Variants in NXPH1 observed in about 807,000 individuals in gnomAD.
NXPH1 encodes neurexophilin-1.
In NXPH1, 5 loss-of-function variants were observed where a neutral mutation model predicts 23.7. The ratio of observed to expected loss-of-function variants is 0.21; its 90% CI spans 0.11 to 0.44. The LOEUF (loss-of-function observed/expected upper bound fraction) is 0.44. Ranked by LOEUF, NXPH1 falls within the 20% of genes least tolerant of loss-of-function variation. The probability of loss-of-function intolerance (pLI) is 0.99; values close to 1 mark genes in which losing one functional copy is unlikely to be tolerated. For missense variants in NXPH1, 324 were observed against 321.6 expected, an observed-to-expected ratio of 1.01 and a Z score of -0.06; for synonymous variants, 144 against 122.2, an observed-to-expected ratio of 1.18 and a Z score of -1.18.
intron 2 of NXPH1, among the ~76,000 whole-genome samples, chr7:8,734,851 G>T (rs186852703): frequency 5.3e-5 from 8 of 152,158 alleles, no homozygotes; most frequent in African/African-American, 1.9e-4. Context: ...TCCTTGAAGA[G>T]GTCCTTCATA....
chr7:8,597,087 G>A (rs1819242984), intron 2 of NXPH1, among the ~76,000 whole-genome samples: 1 of 152,022 alleles, frequency 6.6e-6, no homozygotes, highest in East Asian at 1.9e-4. Flanking sequence ...ACAGCTGAGG[G>A]AAGAGTCTAG....
At chr7:8,553,925 A>G (rs887771367) in intron 2 of NXPH1, among the ~76,000 whole-genome samples, 2 of 151,654 alleles carry the variant, frequency 1.3e-5, no homozygotes, top group Non-Finnish European at 3.0e-5. Flanking sequence ...AAATTTTTCA[A>G]TTATATTTAT....
intron 2 of NXPH1, among the ~76,000 whole-genome samples, chr7:8,466,041 C>G (rs781509501): frequency 1.3e-5 from 2 of 152,104 alleles, no homozygotes; most frequent in South Asian, 4.1e-4. Flanking sequence ...TCAGGTCATT[C>G]CTAATGAAAT....
rs547291183 is a variant in NXPH1, at chr7:8,694,048, G to C, written c.55-56960G>C. 5.9e-5 allele frequency among the ~76,000 whole-genome samples: 9 copies of C among 152,280 alleles called. 1 individual carries two copies. The South Asian group carries it at 1.7e-3, about 28-fold the overall frequency. On this transcript the variant is annotated intron_variant, in intron 2 of 2. Coordinates refer to ENST00000405863, the MANE Select transcript of NXPH1 (RefSeq NM_152745.3). ...TTGTAAAACAGTTTTCTGAAACAAA[G>C]CAGTATCTTGTTTACTGAATATGCA...
At chr7:8,460,990 A>C (rs1816685284) in intron 2 of NXPH1, among the ~76,000 whole-genome samples, 1 of 152,184 alleles carries the variant, frequency 6.6e-6, no homozygotes, top group Non-Finnish European at 1.5e-5. Context: ...TTGTGTTTGG[A>C]TCTTTTCAAT....
At chr7:8,475,667 T>C (rs1816957698) in intron 2 of NXPH1, among the ~76,000 whole-genome samples, 1 of 151,928 alleles carries the variant, frequency 6.6e-6, no homozygotes, top group African/African-American at 2.4e-5. Flanking sequence ...TGGGAAGCTC[T>C]TTTTTTTCCC....
At chr7:8,462,182 G>C (rs1227067391) in intron 2 of NXPH1, among the ~76,000 whole-genome samples, 1 of 152,076 alleles carries the variant, frequency 6.6e-6, no homozygotes, top group Non-Finnish European at 1.5e-5. Context: ...CCAAGTAGCT[G>C]GGACTACAGG....
At chr7:8,620,174 A>T (rs1213338612) in intron 2 of NXPH1, among the ~76,000 whole-genome samples, 2 of 152,070 alleles carry the variant, frequency 1.3e-5, no homozygotes, top group Non-Finnish European at 2.9e-5. Context: ...ACACAGAAGC[A>T]CAGTTCTAAC....
intron 2 of NXPH1, among the ~76,000 whole-genome samples, chr7:8,664,168 C>T (rs6968596): frequency 0.64 from 96,528 of 151,914 alleles, 31,579 homozygotes; most frequent in Middle Eastern, 0.76. Flanking sequence ...CTAAAGAAAG[C>T]GAAGGGTAAG....
intron 2 of NXPH1, among the ~76,000 whole-genome samples, chr7:8,664,645 G>A (rs962319000): frequency 1.3e-5 from 2 of 151,866 alleles, no homozygotes; most frequent in African/African-American, 2.4e-5. Context: ...ATATTCCCAC[G>A]AACAGTATTC....
intron 2 of NXPH1, among the ~76,000 whole-genome samples, chr7:8,489,106 G>A (rs941135692): frequency 6.6e-6 from 1 of 152,080 alleles, no homozygotes; most frequent in African/African-American, 2.4e-5. Context: ...GTGTCCAAGA[G>A]AATTTCATGT....
At chr7:8,729,700 A>G (rs1780116602) in intron 2 of NXPH1, among the ~76,000 whole-genome samples, 1 of 149,100 alleles carries the variant, frequency 6.7e-6, no homozygotes, top group Admixed American at 6.7e-5. Flanking sequence ...CTGTGGTCTG[A>G]GAGATAGTTT....
intron 2 of NXPH1, among the ~76,000 whole-genome samples, chr7:8,623,170 A>T (rs1374297582): frequency 6.6e-6 from 1 of 152,138 alleles, no homozygotes; most frequent in African/African-American, 2.4e-5. Context: ...GAATTTAATG[A>T]TGCAGGAGGG....
chr7:8,662,490 A>G (rs1316357644), intron 2 of NXPH1, among the ~76,000 whole-genome samples: 1 of 152,106 alleles, frequency 6.6e-6, no homozygotes, highest in African/African-American at 2.4e-5. Context: ...GACAATTTCA[A>G]GCATAGTTAT....
intron 2 of NXPH1, among the ~76,000 whole-genome samples, chr7:8,637,282 G>C: frequency 6.6e-6 from 1 of 151,818 alleles, no homozygotes; most frequent in East Asian, 1.9e-4. Context: ...GAGTTCAGTG[G>C]TGCAATCATG....
chr7:8,448,575 G>A (rs896184900), intron 2 of NXPH1, among the ~76,000 whole-genome samples: 12 of 152,186 alleles, frequency 7.9e-5, no homozygotes, highest in Admixed American at 2.6e-4. Context: ...CTAGCACTTT[G>A]GGAGGCCGAG....
chr7:8,711,331 G>C (rs1392900956), intron 2 of NXPH1, among the ~76,000 whole-genome samples: 3 of 152,144 alleles, frequency 2.0e-5, no homozygotes, highest in Non-Finnish European at 4.4e-5. Context: ...GCATGGGTTA[G>C]ACATATTTAT....
At chr7:8,612,093 T>G (rs1819632801) in intron 2 of NXPH1, among the ~76,000 whole-genome samples, 1 of 152,068 alleles carries the variant, frequency 6.6e-6, no homozygotes, top group South Asian at 2.1e-4. Flanking sequence ...TAATTGAATA[T>G]GTGAAGGCAT....
At chr7:8,711,285 T>C (rs1302863735) in intron 2 of NXPH1, among the ~76,000 whole-genome samples, 1 of 152,252 alleles carries the variant, frequency 6.6e-6, no homozygotes, top group Non-Finnish European at 1.5e-5. Flanking sequence ...CTTTGTTTTC[T>C]TTTTGAAGTC....
Sources: allele counts gnomAD v4.1 joint callset (sites outside exome capture counted in the v4.1 genomes callset), GRCh38; gene constraint gnomAD v4.1.1; transcripts MANE v1.5; gene names NCBI Gene and HGNC (gene_info 2026-07-23, HGNC 2026-07-21).